ITGBL1: variants seen among roughly 807,000 people sequenced by gnomAD.
ITGBL1 encodes the protein integrin beta-like protein 1.
In ITGBL1, 51 loss-of-function variants were observed where a neutral mutation model predicts 68.5. That is an observed-to-expected ratio of 0.74 (90% CI 0.59 to 0.94). The LOEUF is 0.94. Among genes scored for constraint, ITGBL1 ranks in the 40% least tolerant of loss-of-function variants. The probability of loss-of-function intolerance (pLI) is 0.00; values close to 1 mark genes in which losing one functional copy is unlikely to be tolerated. For missense variants in ITGBL1, 649 were observed against 647.4 expected (o/e 1.00, Z -0.03); for synonymous variants, 209 against 227.3 (o/e 0.92, Z 0.72).
chr13:101,701,569 C>T (rs1228073681), intron 8 of ITGBL1, among the ~76,000 whole-genome samples: 1 of 151,902 alleles, frequency 6.6e-6, no homozygotes, highest in African/African-American at 2.4e-5. Flanking sequence ...AATAAAAAAT[C>T]ATCTATTTTC....
intron 7 of ITGBL1, among the ~76,000 whole-genome samples, chr13:101,690,467 G>A (rs1435795055): frequency 6.6e-6 from 1 of 152,126 alleles, no homozygotes; most frequent in Non-Finnish European, 1.5e-5. Context: ...GGAATGCATT[G>A]CCCCTCAGGA....
chr13:101,696,736 A>G (rs2034011626), intron 8 of ITGBL1, among the ~76,000 whole-genome samples: 1 of 152,174 alleles, frequency 6.6e-6, no homozygotes, highest in Admixed American at 6.5e-5. Context: ...CATGGATATA[A>G]TCAATCTCTC....
chr13:101,581,956 C>T (rs8001356), intron 5 of ITGBL1, among the ~76,000 whole-genome samples: 41,026 of 152,036 alleles, frequency 0.27, 5,998 homozygotes, highest in East Asian at 0.47. Flanking sequence ...CCACCTCTGA[C>T]GATCTGACTT....
intron 2 of ITGBL1, among the ~76,000 whole-genome samples, chr13:101,463,924 T>C (rs1281088316): frequency 1.3e-4 from 18 of 137,436 alleles, no homozygotes; most frequent in East Asian, 2.4e-4. Context: ...TTTTTTTTTT[T>C]CCGAGACAGA....
At chr13:101,596,373 AG>A (rs904254002) in intron 6 of ITGBL1, among the ~76,000 whole-genome samples, 2 of 152,220 alleles carry the variant, frequency 1.3e-5, no homozygotes, top group African/African-American at 4.8e-5. Context: ...TGGTTACTAT[AG>A]TTTGTAATAC....
chr13:101,651,441 T>A (rs1321374237), intron 7 of ITGBL1, among the ~76,000 whole-genome samples: 8 of 152,218 alleles, frequency 5.3e-5, no homozygotes, highest in Admixed American at 2.0e-4. Context: ...CCTTTTTTCG[T>A]ATATTTGTTG....
intron 7 of ITGBL1, among the ~76,000 whole-genome samples, chr13:101,646,459 A>T (rs1480934325): frequency 1.3e-5 from 2 of 152,186 alleles, no homozygotes; most frequent in Non-Finnish European, 2.9e-5. Context: ...TAAAAGTTCC[A>T]TTAATTTGGA....
intron 7 of ITGBL1, among the ~76,000 whole-genome samples, chr13:101,642,303 C>T (rs2032408313): frequency 6.6e-6 from 1 of 152,200 alleles, no homozygotes; most frequent in Non-Finnish European, 1.5e-5. Context: ...TTACATTTCT[C>T]TGATGGCCAG....
At chr13:101,598,597 C>G (rs2030143328) in intron 7 of ITGBL1, among the ~76,000 whole-genome samples, 1 of 152,118 alleles carries the variant, frequency 6.6e-6, no homozygotes, top group African/African-American at 2.4e-5. Context: ...GCCCCCACCA[C>G]ACAACAGTCC....
downstream of ITGBL1, chr13:101,716,616 T>C (rs2034732694): frequency 6.6e-6 from 1 of 152,072 alleles, no homozygotes; most frequent in Admixed American, 6.6e-5. Context: ...TGTGGCCTTT[T>C]AAAAAGACAA....
At chr13:101,512,874 T>G (rs1242192858) in intron 2 of ITGBL1, among the ~76,000 whole-genome samples, 1 of 152,124 alleles carries the variant, frequency 6.6e-6, no homozygotes, top group Non-Finnish European at 1.5e-5. Context: ...ATTGCTTGGG[T>G]GTTTCCTGTA....
intron 4 of ITGBL1, among the ~76,000 whole-genome samples, chr13:101,579,013 A>C (rs1273563868): frequency 6.6e-6 from 1 of 152,192 alleles, no homozygotes; most frequent in African/African-American, 2.4e-5. Context: ...ATAGACTGTC[A>C]TGGTCATTCA....
At chr13:101,713,956 T>G (rs1055100307) in intron 9 of ITGBL1, 1 of 155,468 alleles carries the variant, frequency 6.4e-6, no homozygotes, top group African/African-American at 2.4e-5. Flanking sequence ...GGTGTGCTCC[T>G]ACTCCAAGAA....
intron 3 of ITGBL1, among the ~76,000 whole-genome samples, 169 bp from the exon 4 acceptor site, chr13:101,575,255 C>G (rs1214023995): frequency 1.3e-5 from 2 of 152,046 alleles, no homozygotes; most frequent in Admixed American, 1.3e-4. Flanking sequence ...CTAAAATAAC[C>G]TCAAGAAAGA....
At chr13:101,700,131 T>C (rs2034101712) in intron 8 of ITGBL1, among the ~76,000 whole-genome samples, 1 of 152,218 alleles carries the variant, frequency 6.6e-6, no homozygotes, top group African/African-American at 2.4e-5. Context: ...ACATGTTCTC[T>C]GAGCAGCAGC....
At chr13:101,528,391 T>A (rs2049416890) in intron 2 of ITGBL1, among the ~76,000 whole-genome samples, 1 of 151,754 alleles carries the variant, frequency 6.6e-6, no homozygotes, top group African/African-American at 2.4e-5. Context: ...TGTACATTGT[T>A]GTTTATAAAT....
At chr13:101,522,040 A>G (rs756361963) in intron 2 of ITGBL1, among the ~76,000 whole-genome samples, 1 of 151,818 alleles carries the variant, frequency 6.6e-6, no homozygotes, top group Non-Finnish European at 1.5e-5. Context: ...AGAGGGAGAG[A>G]GAGAAGAGAG....
intron 7 of ITGBL1, among the ~76,000 whole-genome samples, chr13:101,660,634 TG>T (rs2033058816): frequency 6.6e-6 from 1 of 152,180 alleles, no homozygotes; most frequent in African/African-American, 2.4e-5. Context: ...AGTTTACTTT[TG>T]GGGAAGGGCT....
chr13:101,550,807 T>A (rs2049909154), intron 2 of ITGBL1, among the ~76,000 whole-genome samples: 1 of 152,206 alleles, frequency 6.6e-6, no homozygotes, highest in African/African-American at 2.4e-5. Flanking sequence ...TTTAATTCCT[T>A]TCTATTTTCT....
Sources: allele counts gnomAD v4.1 joint callset (sites outside exome capture counted in the v4.1 genomes callset), GRCh38; gene constraint gnomAD v4.1.1; transcripts MANE v1.5; gene names NCBI Gene and HGNC (gene_info 2026-07-23, HGNC 2026-07-21).